SNAPC4: variants seen among roughly 807,000 people sequenced by gnomAD.
The protein encoded by SNAPC4 is small nuclear RNA activating complex polypeptide 4.
SNAPC4 carries 127 observed loss-of-function variants against 151.3 expected under a neutral mutation model. The observed-to-expected ratio is 0.84, with a 90% CI of 0.73 to 0.97. SNAPC4 has a LOEUF of 0.97. SNAPC4 is among the 50% of genes least tolerant of loss of function. The pLI, the probability that SNAPC4 is intolerant of heterozygous loss-of-function variation, is 0.00. For missense variants in SNAPC4, 2,186 were observed against 1,935.0 expected, an observed-to-expected ratio of 1.13 and a Z score of -2.43; for synonymous variants, 1,002 against 824.4, an observed-to-expected ratio of 1.22 and a Z score of -3.69.
chr9:136,385,567 G>GT (rs906697354), intron 13 of SNAPC4, among the ~76,000 whole-genome samples: 8 of 92,180 alleles, frequency 8.7e-5, no homozygotes, highest in East Asian at 2.1e-4. Flanking sequence ...CCCCCCTTTT[G>GT]TTTTTTTTGA....
chr9:136,379,503 G>T (rs1712382838), intron 21 of SNAPC4, among the ~76,000 whole-genome samples: 1 of 152,234 alleles, frequency 6.6e-6, no homozygotes, highest in African/African-American at 2.4e-5. Flanking sequence ...AGGGCAGTGG[G>T]CACTCTGGGA....
chr9:136,377,756 G>A lies in SNAPC4; in HGVS notation c.4071C>T (p.Asp1357=). Residue 1357 remains aspartate, a synonymous_variant, in exon 22 of 24, where the codon GAC becomes GAT. Transcript: ENST00000684778. ...SLGLVRGQLQ[D]NPAYLLLRAR... The stretch of plus-strand genomic sequence containing the variant: ...CCCGCAACAGGAGGTAGGCCGGGTT[G>A]TCCTGGAGCTGCCCCCGCACCAGCC... 4.3e-6 allele frequency: 7 copies of A among 1,611,138 alleles called. No individual in the cohort carries two copies. Among genetic ancestry groups the A allele is most frequent in the Non-Finnish European group, 5.9e-6 (7 of 1,179,036 alleles).
chr9:136,377,749 C>T lies in SNAPC4; in HGVS notation c.4078G>A (p.Ala1360Thr). The T allele has an allele frequency of 6.2e-7, 1 of 1,610,390 alleles. No individual in the cohort carries two copies. The highest frequency in any genetic ancestry group is 8.5e-7 in the Non-Finnish European group (1 of 1,178,488). ...LVRGQLQDNPAYLLLRARFLA... is the reference protein window; with the variant it reads ...LVRGQLQDNPTYLLLRARFLA... ...AACCGCGCCCGCAACAGGAGGTAGG[C>T]CGGGTTGTCCTGGAGCTGCCCCCGC... The change falls in exon 22 of 24, where the codon GCC (alanine) becomes ACC (threonine). Residue 1360 changes from alanine (A) to threonine (T), a missense_variant. Coordinates refer to ENST00000684778, the MANE Select transcript of SNAPC4 (RefSeq NM_003086.4).
chr9:136,380,417 C>A (rs966767344), intron 20 of SNAPC4, among the ~76,000 whole-genome samples: 1 of 152,214 alleles, frequency 6.6e-6, no homozygotes, highest in Non-Finnish European at 1.5e-5. Context: ...GGTGAGGAGG[C>A]CTCGCTGAAC....
In SNAPC4 at chr9:136,377,938, G is replaced by A. The variant is rs1833519097; in HGVS notation, c.3889C>T (p.Leu1297=). 6.2e-7 allele frequency: 1 copy of A among 1,607,236 alleles called. No individual in the cohort carries two copies. Among genetic ancestry groups the A allele is most frequent in the African/African-American group, 1.3e-5 (1 of 74,822 alleles). ...GGQRGVRVPL[L]GSRLPYQPPA... is the part of the protein sequence containing the mutation. ...GGCTGATAGGGCAGTCTGCTGCCCA[G>A]AAGAGGCACACGCACCCCCCGCTGG... Residue 1297 remains leucine, a synonymous_variant, in exon 22 of 24, where the codon CTG becomes TTG. Transcript: ENST00000684778.
chr9:136,382,023 G>A lies in SNAPC4; in HGVS notation c.2118C>T (p.Ser706=). 6.2e-7 allele frequency: 1 copy of A among 1,606,662 alleles called. No individual in the cohort carries two copies. Among genetic ancestry groups the A allele is most frequent in the Non-Finnish European group, 8.5e-7 (1 of 1,177,686 alleles). The part of the protein sequence containing the change: ...PPLPTSSPGV[S]SGDSVARSHV... ...GGGATCGGGCCACGCTGTCACCAGA[G>A]CTGACCCCTGGGGATGAGGTGGGCA... Residue 706 remains serine (S), a synonymous_variant, in exon 18 of 24, where the codon AGC becomes AGT. Transcript: ENST00000684778.
intron 1 of SNAPC4, among the ~76,000 whole-genome samples, chr9:136,399,843 C>T (rs907726972): frequency 2.0e-4 from 30 of 152,322 alleles, no homozygotes; most frequent in African/African-American, 7.0e-4. Flanking sequence ...GAATCGCCGG[C>T]GCAGTCCCCG....
At chr9:136,388,612 G>A (rs1018080110) in intron 10 of SNAPC4, 21 bp from the exon 11 acceptor site, 3 of 1,613,736 alleles carry the variant, frequency 1.9e-6, no homozygotes, top group Non-Finnish European at 2.5e-6. Context: ...CCAAACAAAA[G>A]CAAATGAGTG....
intron 18 of SNAPC4, 33 bp downstream of exon 18, chr9:136,381,791 C>T: frequency 6.3e-7 from 1 of 1,595,810 alleles, no homozygotes; most frequent in Non-Finnish European, 8.5e-7. Flanking sequence ...CCCCTCGCCC[C>T]CAGGATGCTC....
chr9:136,381,190 A>G, intron 19 of SNAPC4, 132 bp downstream of exon 19: 1 of 760,648 alleles, frequency 1.3e-6, no homozygotes, highest in Non-Finnish European at 2.3e-6. Flanking sequence ...GTAAGGCATG[A>G]AAAGTGCATT....
intron 11 of SNAPC4, 135 bp from the exon 12 acceptor site, chr9:136,387,983 T>C (rs1358297836): frequency 1.6e-6 from 1 of 645,080 alleles, no homozygotes; most frequent in Non-Finnish European, 2.8e-6. Context: ...AAGAATCACT[T>C]TGGCCAGGTG....
At chr9:136,396,858 A>T in intron 3 of SNAPC4, 119 bp downstream of exon 3, 1 of 788,488 alleles carries the variant, frequency 1.3e-6, no homozygotes. Flanking sequence ...AACAAACGTG[A>T]ATCATTTTTA....
At position 136,392,864 on chromosome 9, in the gene SNAPC4, T is replaced by C. The variant is rs1834131171; in HGVS notation, c.633-87A>G. ...TCTGCACATTACAGGGCAAGGAGTGTGAGCTCAGCAGAGATTCCGAGCCTC... is the reference window on the plus strand; with the variant it reads ...TCTGCACATTACAGGGCAAGGAGTGCGAGCTCAGCAGAGATTCCGAGCCTC... On this transcript the variant is annotated intron_variant, in intron 7 of 23. Coordinates refer to ENST00000684778, the MANE Select transcript of SNAPC4 (RefSeq NM_003086.4). The C allele has an allele frequency of 5.5e-6, 6 of 1,089,794 alleles. No homozygotes were observed. In the East Asian group the frequency reaches 1.5e-4, roughly 27 times the overall value. The allele number at this position is 1,089,794 out of a possible 1,614,324, so 67.5% of individuals were successfully genotyped here. A position where few individuals can be genotyped will look rare whatever the true frequency, so the allele number is the denominator to read the frequency against.
intron 7 of SNAPC4, among the ~76,000 whole-genome samples, chr9:136,393,518 T>C (rs756716227): frequency 8.5e-5 from 13 of 152,246 alleles, no homozygotes; most frequent in Non-Finnish European, 1.9e-4. Context: ...ACAGTAAGGC[T>C]GTGCTGTGCC....
intron 4 of SNAPC4, 30 bp downstream of exon 4, chr9:136,395,573 T>C: frequency 6.4e-7 from 1 of 1,566,512 alleles, no homozygotes. Flanking sequence ...TGGGGAGGTG[T>C]GGGCACCGGG....
In SNAPC4 at chr9:136,398,285, T is replaced by C. The variant is rs915670496; in HGVS notation, c.130+14A>G. Reference sequence around the variant, plus strand: ...CTTACCAGGACCCCAGGAGGCTAGGTACAAGGGGCTTACCTGCTTCAGAAT... The same window carrying C: ...CTTACCAGGACCCCAGGAGGCTAGGCACAAGGGGCTTACCTGCTTCAGAAT... On this transcript the variant is annotated intron_variant, in intron 2 of 23. Coordinates refer to ENST00000684778, the MANE Select transcript of SNAPC4 (RefSeq NM_003086.4). The C allele has an allele frequency of 6.2e-7, 1 of 1,609,278 alleles. No individual in the cohort carries two copies.
chr9:136,379,812 C>G (rs757745939), intron 21 of SNAPC4, 25 bp downstream of exon 21: 1 of 1,609,772 alleles, frequency 6.2e-7, no homozygotes, highest in Non-Finnish European at 8.5e-7. Context: ...GTCTCTTCCC[C>G]ACCAGGGCAG....
Position 136,378,115 on chromosome 9 carries a change from C to T in SNAPC4, c.3712G>A (p.Glu1238Lys). 6.3e-7 allele frequency: 1 copy of T among 1,598,930 alleles called. No individual in the cohort carries two copies. Among genetic ancestry groups the T allele is most frequent in the Middle Eastern group, 1.7e-4 (1 of 6,020 alleles). ...TQEPRGPLGL[E>K]KLPLRQPGPE... Reference sequence around the variant, plus strand: ...CCAGGCTGGCGCAGGGGCAGCTTCTCCAGGCCCAGAGGCCCCCTGGGCTCC... The same window carrying T: ...CCAGGCTGGCGCAGGGGCAGCTTCTTCAGGCCCAGAGGCCCCCTGGGCTCC... Residue 1238 changes from glutamate (E) to lysine (K), a missense_variant, in exon 22 of 24, where the codon GAG becomes AAG. Physicochemically the swap from Glu to Lys is moderately conservative, Grantham distance 56. Transcript: ENST00000684778.
rs1372547019 is a variant in SNAPC4, at chr9:136,395,670, T to C, written c.278A>G (p.Tyr93Cys). Residue 93 changes from tyrosine (Y) to cysteine (C), a missense_variant, in exon 4 of 24, where the codon TAC becomes TGC. Tyr to Cys is a radical substitution (Grantham distance 194). Transcript: ENST00000684778. ...PETCLQLNMV[Y>C]QEVIQEKLAE... Reference sequence around the variant, plus strand: ...CAGCTTCTCCTGGATGACCTCCTGGTAGACCATGTTCAGCTGCAGGCAGGT... The same window carrying C: ...CAGCTTCTCCTGGATGACCTCCTGGCAGACCATGTTCAGCTGCAGGCAGGT... 1 of 1,613,190 alleles carries C rather than the reference T, an allele frequency of 6.2e-7. No individual in the cohort carries two copies. The highest frequency in any genetic ancestry group is 1.7e-5 in the Admixed American group (1 of 60,010).
Sources: allele counts gnomAD v4.1 joint callset (sites outside exome capture counted in the v4.1 genomes callset), GRCh38; gene constraint gnomAD v4.1.1; transcripts MANE v1.5; gene names NCBI Gene and HGNC (gene_info 2026-07-23, HGNC 2026-07-21).